The following FAAH variants were observed in gnomAD, a reference collection of about 807,000 sequenced individuals.
FAAH encodes the protein fatty acid amide hydrolase.
In FAAH, 63 loss-of-function variants were observed where a neutral mutation model predicts 69.7. That is an observed-to-expected ratio of 0.90 (90% confidence interval 0.74 to 1.12). The LOEUF is 1.12. FAAH is among the 50% of genes most tolerant of loss of function. The pLI is 0.00. For synonymous variants in FAAH, 305 were observed against 324.2 expected (o/e 0.94, Z 0.64); for missense variants, 680 against 755.0 (o/e 0.90, Z 1.16).
Position 46,410,706 on chromosome 1 carries a change from C to A in FAAH, c.1276-108C>A. 7.1e-7 allele frequency: 1 copy of A among 1,416,836 alleles called. No homozygotes were observed. The highest frequency in any genetic ancestry group is 1.0e-6 in the Non-Finnish European group (1 of 1,000,414). 87.8% of individuals were successfully genotyped at this position (1,416,836 alleles called of 1,614,324 possible). Reference sequence around the variant, plus strand: ...TGCTGAAAGGGGTGCCGACCTGGGCCCTGGGGGGAGGCATGGAGGGAGGGG... The same window carrying A: ...TGCTGAAAGGGGTGCCGACCTGGGCACTGGGGGGAGGCATGGAGGGAGGGG... On this transcript the variant is annotated intron_variant, in intron 10 of 14. Coordinates refer to ENST00000243167, the MANE Select transcript of FAAH (RefSeq NM_001441.3). This position sits in a 1 kb window ranked among gnomAD's most constrained non-coding sequence, Gnocchi z 4.9.
rs372889190 is a variant in FAAH, at chr1:46,412,346, C to G, written c.1465+95C>G. The G allele has an allele frequency of 4.8e-5, 53 of 1,103,456 alleles. No homozygotes were observed. The African/African-American group carries it at 7.1e-4, about 15-fold the overall frequency. 68.4% of individuals were successfully genotyped at this position (1,103,456 alleles called of 1,614,324 possible). On this transcript the variant is annotated intron_variant, in intron 13 of 14. Coordinates refer to ENST00000243167, the MANE Select transcript of FAAH (RefSeq NM_001441.3). ...GGAAGAAGAGCCCTCTGGGAGGACC[C>G]TGCCCTCTCGGGGCCCACAGTCTGG...
At position 46,405,021 on chromosome 1, in the gene FAAH, A is replaced by C. The variant is rs1312037234; in HGVS notation, c.317A>C (p.Glu106Ala). 1.9e-6 allele frequency: 3 copies of C among 1,614,092 alleles called. No individual in the cohort carries two copies. Among genetic ancestry groups the C allele is most frequent in the East Asian group, 2.2e-5 (1 of 44,890 alleles). The change falls in exon 3 of 15, where the codon GAA becomes GCA. Residue 106 changes from glutamate (E) to alanine (A), a missense_variant. Transcript: ENST00000243167. The surrounding 1 kb of genome is among the most constrained non-coding windows in gnomAD (Gnocchi z 4.1). Reference sequence around the variant, plus strand: ...CTACTTCCCCTTCCTCAGGCCTGGGAAGTGAACAAAGGGACCAACTGTGTG... The same window carrying C: ...CTACTTCCCCTTCCTCAGGCCTGGGCAGTGAACAAAGGGACCAACTGTGTG... ...VLFTYVGKAW[E>A]VNKGTNCVTS... is the part of the protein sequence containing the mutation.
rs1423498842 is a variant in FAAH, at chr1:46,410,339, G to A, written c.1176-59G>A. ...AGAATGGGATTGCTGTGGGCCGGGC[G>A]AGCAAGCTGGGAAGGATGTGGGGAT... On this transcript the variant is annotated intron_variant, in intron 9 of 14. Transcript: ENST00000243167. This position sits in a 1 kb window ranked among gnomAD's most constrained non-coding sequence, Gnocchi z 4.9. 2.4e-5 allele frequency: 34 copies of A among 1,416,558 alleles called. No individual in the cohort carries two copies. The highest frequency in any genetic ancestry group is 3.1e-5 in the Non-Finnish European group (31 of 1,000,440). The allele number at this position is 1,416,558 out of a possible 1,614,324, so 87.7% of individuals were successfully genotyped here.
intron 7 of FAAH, 135 bp downstream of exon 7, chr1:46,406,503 TCCACAGAC>T: frequency 8.6e-7 from 1 of 1,167,684 alleles, no homozygotes; most frequent in Non-Finnish European, 1.2e-6. Context: ...GGGTTGCTCC[TCCACAGAC>T]GGCCACCAGA....
Position 46,410,255 on chromosome 1 carries a change from A to T in FAAH, c.1176-143A>T, listed in dbSNP as rs1367772114. 2 of 748,004 alleles carry T rather than the reference A, an allele frequency of 2.7e-6. No individual in the cohort carries two copies. The highest frequency in any genetic ancestry group is 4.9e-6 in the Non-Finnish European group (2 of 410,526). The allele number at this position is 748,004 out of a possible 1,614,324, so 46.3% of individuals were successfully genotyped here. ...CAAAGGATCAGCAGAAACAAACGGCATGTTTGGAAGGAGGGAGCTGAGTCT... is the reference window on the plus strand; with the variant it reads ...CAAAGGATCAGCAGAAACAAACGGCTTGTTTGGAAGGAGGGAGCTGAGTCT... On this transcript the variant is annotated intron_variant, in intron 9 of 14. Coordinates refer to ENST00000243167, the MANE Select transcript of FAAH (RefSeq NM_001441.3). The surrounding 1 kb of genome is among the most constrained non-coding windows in gnomAD (Gnocchi z 4.9).
chr1:46,411,669 G>A lies in FAAH; in HGVS notation c.1356+18G>A. On this transcript the variant is annotated intron_variant, in intron 12 of 14. Coordinates refer to ENST00000243167, the MANE Select transcript of FAAH (RefSeq NM_001441.3). The surrounding 1 kb of genome is among the most constrained non-coding windows in gnomAD (Gnocchi z 4.8). ...AGATCGAGGTGAGGCCAGAGCCTCTGGATTGGAGCAGGGTGGTGGGGGGAG... is the reference window on the plus strand; with the variant it reads ...AGATCGAGGTGAGGCCAGAGCCTCTAGATTGGAGCAGGGTGGTGGGGGGAG... The A allele has an allele frequency of 6.2e-7, 1 of 1,613,874 alleles. No individual in the cohort carries two copies. The highest frequency in any genetic ancestry group is 8.5e-7 in the Non-Finnish European group (1 of 1,179,880).
Position 46,411,745 on chromosome 1 carries a change from C to T in FAAH, c.1356+94C>T. The T allele has an allele frequency of 7.2e-7, 1 of 1,390,056 alleles. No homozygotes were observed. The highest frequency in any genetic ancestry group is 1.0e-6 in the Non-Finnish European group (1 of 993,168). The allele number at this position is 1,390,056 out of a possible 1,614,324, so 86.1% of individuals were successfully genotyped here. On this transcript the variant is annotated intron_variant, in intron 12 of 14. Coordinates refer to ENST00000243167, the MANE Select transcript of FAAH (RefSeq NM_001441.3). This position sits in a 1 kb window ranked among gnomAD's most constrained non-coding sequence, Gnocchi z 4.8. Reference sequence around the variant, plus strand: ...AGCAGTGTCTCGTGGCCACTGCCCCCATGGGGCTCCTAGACTGGCCTGTCA... The same window carrying T: ...AGCAGTGTCTCGTGGCCACTGCCCCTATGGGGCTCCTAGACTGGCCTGTCA...
intron 1 of FAAH, among the ~76,000 whole-genome samples, chr1:46,400,155 C>T (rs969197948): frequency 1.4e-4 from 13 of 95,402 alleles, no homozygotes; most frequent in African/African-American, 4.6e-4. Context: ...GGCATGTGCT[C>T]GGAGAGGGCA....
chr1:46,412,991 C>T lies in FAAH; in HGVS notation c.1466-84C>T, dbSNP rs1377531851. Reference sequence around the variant, plus strand: ...TTCTCTGGCTGTAGACACAGGGTGCCATTTCATATGAGGTTTGACTCAGGC... The same window carrying T: ...TTCTCTGGCTGTAGACACAGGGTGCTATTTCATATGAGGTTTGACTCAGGC... On this transcript the variant is annotated intron_variant, in intron 13 of 14. Transcript: ENST00000243167. 3 of 1,522,962 alleles carry T rather than the reference C, an allele frequency of 2.0e-6. No individual in the cohort carries two copies. The Admixed American group carries it at 5.2e-5, about 26-fold the overall frequency. The allele number at this position is 1,522,962 out of a possible 1,614,324, so 94.3% of individuals were successfully genotyped here.
Position 46,394,426 on chromosome 1 carries a change from C to T in FAAH, c.78C>T (p.Ala26=), listed in dbSNP as rs766584194. Residue 26 remains alanine, a synonymous_variant, in exon 1 of 15, where the codon GCC becomes GCT. Coordinates refer to ENST00000243167, the MANE Select transcript of FAAH (RefSeq NM_001441.3). The stretch of plus-strand genomic sequence containing the variant: ...TGGCCTGCTGCTTCGTGGCGGCGGC[C>T]GTGGCCCTGCGCTGGTCCGGGCGCC... ...VALACCFVAA[A]VALRWSGRRT... 7.5e-6 allele frequency: 11 copies of T among 1,463,944 alleles called. No individual in the cohort carries two copies. The South Asian group carries it at 1.2e-4, about 16-fold the overall frequency. 90.7% of individuals were successfully genotyped at this position (1,463,944 alleles called of 1,614,324 possible). A position where few individuals can be genotyped will look rare whatever the true frequency, so the allele number is the denominator to read the frequency against.
chr1:46,394,737 G>C (rs1288196216), intron 1 of FAAH, among the ~76,000 whole-genome samples, 194 bp downstream of exon 1: 5 of 152,254 alleles, frequency 3.3e-5, no homozygotes, highest in African/African-American at 1.2e-4. Flanking sequence ...GGAAACGGTA[G>C]TGTCAAGGCA....
At chr1:46,397,226 G>T (rs1664612732) in intron 1 of FAAH, among the ~76,000 whole-genome samples, 1 of 152,244 alleles carries the variant, frequency 6.6e-6, no homozygotes, top group Non-Finnish European at 1.5e-5. Context: ...CACAGCTCTT[G>T]CCTGCAGAAC....
Position 46,413,450 on chromosome 1 carries a change from A to G in FAAH, c.1615A>G (p.Met539Val), listed in dbSNP as rs1664953414. 1.2e-6 allele frequency: 2 copies of G among 1,614,022 alleles called. No homozygotes were observed. The highest frequency in any genetic ancestry group is 1.3e-5 in the African/African-American group (1 of 74,896). Residue 539 changes from methionine (M) to valine (V), a missense_variant, in exon 15 of 15, where the codon ATG (methionine) becomes GTG (valine). Met to Val is a conservative substitution (Grantham distance 21). Coordinates refer to ENST00000243167, the MANE Select transcript of FAAH (RefSeq NM_001441.3). ...DIWDKMLQKG[M>V]KKSVGLPVAV... is the part of the protein sequence containing the mutation. ...CTGATGCCTGTATCCCCTATAGGGC[A>G]TGAAGAAGAGTGTGGGGCTGCCGGT... is the stretch of plus-strand genomic sequence containing the variant.
chr1:46,405,796 T>A lies in FAAH; in HGVS notation c.785+2T>A. On this transcript the variant is annotated splice_donor_variant, in intron 5 of 14. Coordinates refer to ENST00000243167, the MANE Select transcript of FAAH (RefSeq NM_001441.3). LOFTEE classifies it high-confidence loss of function. This position sits in a 1 kb window ranked among gnomAD's most constrained non-coding sequence, Gnocchi z 4.1. ...CAAGCCCACAGGGAACCGCCTCAGG[T>A]AAGGTGGGTGGAGGGCGCTTCTGGG... The A allele has an allele frequency of 6.2e-7, 1 of 1,613,188 alleles. No individual in the cohort carries two copies. Among genetic ancestry groups the A allele is most frequent in the Non-Finnish European group, 8.5e-7 (1 of 1,179,948 alleles).
At position 46,411,488 on chromosome 1, in the gene FAAH, C is replaced by A; in HGVS notation, c.1317-124C>A. 9.6e-7 allele frequency: 1 copy of A among 1,037,968 alleles called. No individual in the cohort carries two copies. Among genetic ancestry groups the A allele is most frequent in the Non-Finnish European group, 1.5e-6 (1 of 676,904 alleles). The allele number at this position is 1,037,968 out of a possible 1,614,324, so 64.3% of individuals were successfully genotyped here. On this transcript the variant is annotated intron_variant, in intron 11 of 14. Coordinates refer to ENST00000243167, the MANE Select transcript of FAAH (RefSeq NM_001441.3). The surrounding 1 kb of genome is among the most constrained non-coding windows in gnomAD (Gnocchi z 4.8). ...AGGGGTTTGAACTTCCCTCTCAGAG[C>A]TCCCATGGGGTTGTGAAGGGTCCAC...
Position 46,408,537 on chromosome 1 carries a change from C to T in FAAH, c.1030C>T (p.Arg344Trp), listed in dbSNP as rs1020739896. The T allele has an allele frequency of 2.5e-6, 4 of 1,614,048 alleles. No individual in the cohort carries two copies. The African/African-American group carries it at 5.3e-5, about 22-fold the overall frequency. Residue 344 changes from arginine (R) to tryptophan (W), a missense_variant, in exon 8 of 15, where the codon CGG (arginine) becomes TGG (tryptophan). Coordinates refer to ENST00000243167, the MANE Select transcript of FAAH (RefSeq NM_001441.3). The part of the protein sequence containing the change: ...NYTMPSPAMR[R>W]AVLETKQSLE... ...TACCATGCCCTCCCCGGCCATGAGG[C>T]GGGCCGTGCTGGAGACCAAACAGAG...
chr1:46,409,122 A>T lies in FAAH; in HGVS notation c.1099A>T (p.Asn367Tyr), dbSNP rs775523518. 1 of 1,613,940 alleles carries T rather than the reference A, an allele frequency of 6.2e-7. No homozygotes were observed. The highest frequency in any genetic ancestry group is 1.1e-5 in the South Asian group (1 of 91,070). ...GHTLVPFLPS[N>Y]IPHALETLST... ...GCAGCTGGTTCCCTTCTTGCCAAGC[A>T]ACATACCCCATGCTCTGGAGACCCT... The change falls in exon 9 of 15, where the codon AAC (asparagine) becomes TAC (tyrosine). Residue 367 changes from asparagine to tyrosine, a missense_variant. Transcript: ENST00000243167.
Position 46,410,775 on chromosome 1 carries a change from C to T in FAAH, c.1276-39C>T. 1 of 1,613,884 alleles carries T rather than the reference C, an allele frequency of 6.2e-7. No individual in the cohort carries two copies. The highest frequency in any genetic ancestry group is 8.5e-7 in the Non-Finnish European group (1 of 1,179,776). On this transcript the variant is annotated intron_variant, in intron 10 of 14. Transcript: ENST00000243167. This position sits in a 1 kb window ranked among gnomAD's most constrained non-coding sequence, Gnocchi z 4.9. ...GAAGAAGGTTGACGTCTGCCGTGGCCCAGAGCTGAGTCACCGACCCTGCGT... is the reference window on the plus strand; with the variant it reads ...GAAGAAGGTTGACGTCTGCCGTGGCTCAGAGCTGAGTCACCGACCCTGCGT...
At position 46,406,369 on chromosome 1, in the gene FAAH, G is replaced by A. The variant is rs764814215; in HGVS notation, c.951+1G>A. ...GCCTCCCTTGCCCTTCAGAGAAGAG[G>A]TGAGCAGGGCTGGGTGGGCATGAAT... is the stretch of plus-strand genomic sequence containing the variant. On this transcript the variant is annotated splice_donor_variant, in intron 7 of 14. Transcript: ENST00000243167. LOFTEE classifies it high-confidence loss of function. 6.2e-7 allele frequency: 1 copy of A among 1,613,930 alleles called. No homozygotes were observed. The highest frequency in any genetic ancestry group is 8.5e-7 in the Non-Finnish European group (1 of 1,180,018).
Sources: allele counts gnomAD v4.1 joint callset (sites outside exome capture counted in the v4.1 genomes callset), GRCh38; gene constraint gnomAD v4.1.1; non-coding constraint Gnocchi (gnomAD v3.1); transcripts MANE v1.5; gene names NCBI Gene and HGNC (gene_info 2026-07-23, HGNC 2026-07-21).